Variants in IBTK observed in about 807,000 individuals in gnomAD.
The protein encoded by IBTK is inhibitor of Bruton tyrosine kinase.
Under a neutral mutation model 154.9 loss-of-function variants are expected in IBTK, and 83 were observed. The ratio of observed to expected loss-of-function variants is 0.54; its 90% CI spans 0.45 to 0.64. The LOEUF is 0.64. IBTK is among the 30% of genes least tolerant of loss of function. The probability of loss-of-function intolerance (pLI) is 0.00; values close to 1 mark genes in which losing one functional copy is unlikely to be tolerated. For missense variants in IBTK, 1,332 were observed against 1,584.6 expected, an observed-to-expected ratio of 0.84 and a Z score of 2.71; for synonymous variants, 515 against 536.1, an observed-to-expected ratio of 0.96 and a Z score of 0.54.
chr6:82,177,850 C>A (rs900164727), intron 26 of IBTK, among the ~76,000 whole-genome samples: 1 of 152,040 alleles, frequency 6.6e-6, no homozygotes. Context: ...GCGCCTGGCC[C>A]TTGTATCGTA....
chr6:82,199,047 A>T (rs1338867573), intron 21 of IBTK, among the ~76,000 whole-genome samples: 3 of 152,156 alleles, frequency 2.0e-5, no homozygotes, highest in Non-Finnish European at 2.9e-5. Context: ...AACAATTAGG[A>T]AAATGTGGAT....
chr6:82,237,683 G>A (rs1048854293), intron 2 of IBTK, among the ~76,000 whole-genome samples: 1 of 149,716 alleles, frequency 6.7e-6, no homozygotes, highest in Non-Finnish European at 1.5e-5. Context: ...AGTAGTAGTA[G>A]TAGTAGTAGT....
intron 26 of IBTK, 118 bp downstream of exon 26, chr6:82,181,761 T>C: frequency 3.1e-6 from 2 of 646,828 alleles, no homozygotes; most frequent in Non-Finnish European, 5.0e-6. Context: ...TAATTCTGAA[T>C]GTAAAAGAGT....
chr6:82,175,920 T>C (rs533799962), intron 26 of IBTK, among the ~76,000 whole-genome samples: 4 of 151,690 alleles, frequency 2.6e-5, no homozygotes, highest in Admixed American at 1.3e-4. Context: ...TCCCAGCTAC[T>C]AGGGTGGCGG....
chr6:82,244,549 C>T (rs1771073140), intron 1 of IBTK, among the ~76,000 whole-genome samples: 1 of 152,112 alleles, frequency 6.6e-6, no homozygotes. Context: ...CTGAAATAAT[C>T]CTCAGTCCTC....
In IBTK at chr6:82,237,451, A is replaced by G. The variant is rs183896230; in HGVS notation, c.321+2715T>C. ...ACTTCATGGATAGTCCCTGGGGGGG[A>G]AAAAAAAAGGAAAGTGCTATTATTA... On this transcript the variant is annotated intron_variant, in intron 2 of 28. Transcript: ENST00000306270. Among the ~76,000 whole-genome samples, 712 of 151,150 alleles carry G rather than the reference A, an allele frequency of 4.7e-3. 4 individuals are homozygous for G. The highest frequency in any genetic ancestry group is 6.8e-3 in the Middle Eastern group (2 of 294).
chr6:82,187,606 G>A (rs990118252), intron 25 of IBTK, among the ~76,000 whole-genome samples: 3 of 140,398 alleles, frequency 2.1e-5, no homozygotes, highest in South Asian at 4.4e-4. Context: ...AACTGATGTC[G>A]CCGAGTGGAC....
Position 82,234,194 on chromosome 6 carries a change from T to TCAAC in IBTK, c.382_383insGTTG (p.Lys128SerfsTer2). 6.2e-7 allele frequency: 1 copy of TCAAC among 1,605,192 alleles called. No homozygotes were observed. The highest frequency in any genetic ancestry group is 8.5e-7 in the Non-Finnish European group (1 of 1,173,584). On this transcript the variant is annotated stop_gained and frameshift_variant, in exon 3 of 29. Transcript: ENST00000306270. LOFTEE classifies it high-confidence loss of function. ...GAATACTACATGAGTTGGTCTATCC[T>TCAAC]TCATTACAAGATCCAAAGCTGACAA... is the stretch of plus-strand genomic sequence containing the variant.
At chr6:82,234,416 G>A (rs755408560) in intron 2 of IBTK, among the ~76,000 whole-genome samples, 161 bp from the exon 3 acceptor site, 6 of 150,596 alleles carry the variant, frequency 4.0e-5, no homozygotes, top group Non-Finnish European at 5.9e-5. Flanking sequence ...TTGGCTCACC[G>A]CAACCTCCAC....
chr6:82,176,029 C>CA (rs1050552534), intron 26 of IBTK, among the ~76,000 whole-genome samples: 133 of 119,372 alleles, frequency 1.1e-3, no homozygotes, highest in African/African-American at 1.6e-3. Context: ...AACTCCATCT[C>CA]AAAAAAAAAA....
chr6:82,228,855 T>G (rs986327591), intron 4 of IBTK, among the ~76,000 whole-genome samples: 2 of 152,038 alleles, frequency 1.3e-5, no homozygotes, highest in Non-Finnish European at 2.9e-5. Flanking sequence ...TCTCCTGACC[T>G]CGTGATCTGC....
intron 2 of IBTK, 71 bp from the exon 3 acceptor site, chr6:82,234,326 C>T (rs955086946): frequency 5.8e-6 from 3 of 519,126 alleles, no homozygotes; most frequent in East Asian, 4.4e-5. Context: ...CAGTAACTTC[C>T]TATTTTATTA....
At chr6:82,215,224 G>C (rs950703427) in intron 11 of IBTK, among the ~76,000 whole-genome samples, 5 of 152,082 alleles carry the variant, frequency 3.3e-5, no homozygotes, top group African/African-American at 4.8e-5. Flanking sequence ...TGTTAAAACT[G>C]GGGCAGGCCT....
At chr6:82,204,165 A>G (rs1464397045) in intron 17 of IBTK, among the ~76,000 whole-genome samples, 1 of 152,178 alleles carries the variant, frequency 6.6e-6, no homozygotes, top group Non-Finnish European at 1.5e-5. Context: ...CAGGAGAAAG[A>G]GCATTTAAAA....
chr6:82,231,523 T>C (rs529702765), intron 4 of IBTK, among the ~76,000 whole-genome samples, 195 bp downstream of exon 4: 15 of 152,216 alleles, frequency 9.9e-5, no homozygotes, highest in Non-Finnish European at 1.9e-4. Flanking sequence ...TATTTTAGGG[T>C]ATTTTACAAA....
rs140259949 is a variant in IBTK at position 82,200,687 on chromosome 6, C to T, written c.2812G>A (p.Val938Ile). Residue 938 changes from valine (V) to isoleucine (I), a missense_variant, in exon 20 of 29, where the codon GTC becomes ATC. By Grantham distance (29) the Val-to-Ile change is conservative. Around this residue, in one of 3 missense-constraint regions of IBTK, gnomAD observed 1,134 missense variants for 1,274.7 expected, o/e 0.89. Coordinates refer to ENST00000306270, the MANE Select transcript of IBTK (RefSeq NM_015525.4). ...RKMIPAMDRR[V>I]ITPYQDGPDI... ...GGTCCATCTTGATATGGTGTAATGA[C>T]TCTTCTATCCATTGCTGGAATCTGC... 41 of 1,576,372 alleles carry T rather than the reference C, an allele frequency of 2.6e-5. No individual in the cohort carries two copies. In the African/African-American group the frequency reaches 5.6e-4, roughly 21 times the overall value.
Position 82,240,582 on chromosome 6 carries a change from G to C in IBTK, c.-96C>G. On this transcript the variant is annotated 5_prime_UTR_variant, in exon 2 of 29. Transcript: ENST00000306270. ...CAAAGGTGCTATTGAGGAAGTTACA[G>C]AGAATAAATTACCTTTTTAGGATAA... The C allele has an allele frequency of 1.1e-6, 1 of 944,858 alleles. No homozygotes were observed. Among genetic ancestry groups the C allele is most frequent in the East Asian group, 2.4e-5 (1 of 41,598 alleles). 58.5% of individuals were successfully genotyped at this position (944,858 alleles called of 1,614,324 possible).
rs367890863 is a variant in IBTK, at chr6:82,200,256, A to G, written c.2913-3T>C. ...TTGCTTTCTTGAACATAGTTTCCCT[A>G]GGAAAAAGCAAACATAATTTCAGCA... On this transcript the variant is annotated splice_polypyrimidine_tract_variant and splice_region_variant and intron_variant, in intron 20 of 28. Coordinates refer to ENST00000306270, the MANE Select transcript of IBTK (RefSeq NM_015525.4). 1.3e-4 allele frequency: 203 copies of G among 1,599,156 alleles called. 2 individuals carry two copies. The highest frequency in any genetic ancestry group is 1.1e-3 in the South Asian group (101 of 90,638).
At chr6:82,195,373 C>T (rs1311160440) in intron 22 of IBTK, among the ~76,000 whole-genome samples, 6 of 151,900 alleles carry the variant, frequency 3.9e-5, no homozygotes, top group East Asian at 1.9e-4. Flanking sequence ...TCCAGGAGTT[C>T]GAGACCAGCC....
Sources: gnomAD v4.1 joint callset for allele counts (sites outside exome capture counted in the v4.1 genomes callset) on GRCh38, gnomAD v4.1.1 for gene constraint, gnomAD v4.1.1 regional missense constraint, MANE v1.5 for transcripts, NCBI Gene and HGNC (gene_info 2026-07-23, HGNC 2026-07-21) for gene names.